PLOD1: variants seen among roughly 807,000 people sequenced by gnomAD.
PLOD1 encodes the protein procollagen-lysine,2-oxoglutarate 5-dioxygenase 1.
A neutral mutation model predicts 94.7 loss-of-function variants in PLOD1; 70 were observed. That is an observed-to-expected ratio of 0.74 (90% confidence interval 0.61 to 0.90). The LOEUF (loss-of-function observed/expected upper bound fraction) is 0.90, where lower values mean the gene tolerates loss of function less well. Ranked by LOEUF, PLOD1 falls within the 40% of genes least tolerant of loss-of-function variation. PLOD1 has a pLI of 0.00. For missense variants in PLOD1, 905 were observed against 972.7 expected, an observed-to-expected ratio of 0.93 and a Z score of 0.93; for synonymous variants, 417 against 400.2, an observed-to-expected ratio of 1.04 and a Z score of -0.50.
At position 11,963,672 on chromosome 1, in the gene PLOD1, G is replaced by T. The variant is rs745889627; in HGVS notation, c.1202+36G>T. On this transcript the variant is annotated intron_variant, in intron 11 of 18. Coordinates refer to ENST00000196061, the MANE Select transcript of PLOD1 (RefSeq NM_000302.4). The surrounding 1 kb of genome is among the most constrained non-coding windows in gnomAD (Gnocchi z 4.3). ...TCCGTCTGCACCCAGCACTGCTCAG[G>T]ACTGGCCTGGTCCTGGGGTGGCAGC... 10 of 1,393,216 alleles carry T rather than the reference G, an allele frequency of 7.2e-6. No homozygotes were observed. Among genetic ancestry groups the T allele is most frequent in the Non-Finnish European group, 9.0e-6 (9 of 997,546 alleles). The allele number at this position is 1,393,216 out of a possible 1,614,324, so 86.3% of individuals were successfully genotyped here.
In PLOD1 at chr1:11,948,026, C is replaced by G. The variant is rs778603432; in HGVS notation, c.127C>G (p.Arg43Gly). The G allele has an allele frequency of 6.2e-7, 1 of 1,613,942 alleles. No individual in the cohort carries two copies. Among genetic ancestry groups the G allele is most frequent in the Non-Finnish European group, 8.5e-7 (1 of 1,179,808 alleles). Residue 43 changes from arginine (R) to glycine (G), a missense_variant, in exon 2 of 19, where the codon CGC (arginine) becomes GGC (glycine). By Grantham distance (125) the Arg-to-Gly change is moderately radical (BLOSUM62 -2). Transcript: ENST00000196061. ...CACTAAGGAGACCGAGGGATTCCGT[C>G]GCTTCAAGCGCTCAGCTCAGTTCTT... ...VATKETEGFR[R>G]FKRSAQFFNY...
chr1:11,938,920 A>G (rs1419965123), intron 1 of PLOD1, among the ~76,000 whole-genome samples: 1 of 152,202 alleles, frequency 6.6e-6, no homozygotes, highest in Non-Finnish European at 1.5e-5. Flanking sequence ...TGGGAGACAC[A>G]AGAAGGCTTC....
chr1:11,953,755 G>C (rs1645719229), intron 5 of PLOD1, among the ~76,000 whole-genome samples: 1 of 151,650 alleles, frequency 6.6e-6, no homozygotes, highest in Non-Finnish European at 1.5e-5. Flanking sequence ...TTGTGCCATT[G>C]CACTGCAGCC....
At position 11,958,288 on chromosome 1, in the gene PLOD1, G is replaced by A. The variant is rs998320088; in HGVS notation, c.844-228G>A. Among the ~76,000 whole-genome samples the A allele has an allele frequency of 2.6e-5, 4 of 152,002 alleles. No homozygotes were observed. Among genetic ancestry groups the A allele is most frequent in the African/African-American group, 4.8e-5 (2 of 41,352 alleles). ...ATCTCCTGACAGCAGGCCCTCAACC[G>A]AGTCCTTGTTCCAGGCCTGGGCTCC... On this transcript the variant is annotated intron_variant, in intron 8 of 18. Transcript: ENST00000196061. This position sits in a 1 kb window ranked among gnomAD's most constrained non-coding sequence, Gnocchi z 4.3.
chr1:11,949,700 A>T (rs1465150264), intron 2 of PLOD1, 73 bp from the exon 3 acceptor site: 15 of 1,521,948 alleles, frequency 9.9e-6, no homozygotes, highest in Non-Finnish European at 1.4e-5. Flanking sequence ...GATTACCAGC[A>T]TGAGCCACCA....
chr1:11,967,674 A>G (rs1329984801), intron 16 of PLOD1, among the ~76,000 whole-genome samples: 2 of 140,706 alleles, frequency 1.4e-5, no homozygotes, highest in East Asian at 4.1e-4. Flanking sequence ...TTTAAATAAT[A>G]GAGACGGGGT....
At position 11,960,733 on chromosome 1, in the gene PLOD1, C is replaced by G; in HGVS notation, c.1063C>G (p.Arg355Gly). 1 of 1,613,318 alleles carries G rather than the reference C, an allele frequency of 6.2e-7. No individual in the cohort carries two copies. The highest frequency in any genetic ancestry group is 8.5e-7 in the Non-Finnish European group (1 of 1,179,856). Residue 355 changes from arginine (R) to glycine (G), a missense_variant, in exon 10 of 19, where the codon CGG becomes GGG. By Grantham distance (125) the Arg-to-Gly change is moderately radical. Transcript: ENST00000196061. ...QSVKLVGPEV[R>G]MANADARNMG... ...TGTGAAGCTGGTGGGCCCTGAGGTGCGGATGGCGAATGCAGATGCCAGGAA... is the reference window on the plus strand; with the variant it reads ...TGTGAAGCTGGTGGGCCCTGAGGTGGGGATGGCGAATGCAGATGCCAGGAA...
At position 11,974,307 on chromosome 1, in the gene PLOD1, C is replaced by T. The variant is rs114224592; in HGVS notation, c.2029-346C>T. Among the ~76,000 whole-genome samples, 810 of 152,120 alleles carry T rather than the reference C, an allele frequency of 5.3e-3. 1 individual carries two copies. Among genetic ancestry groups the T allele is most frequent in the Non-Finnish European group, 8.5e-3 (579 of 67,992 alleles). On this transcript the variant is annotated intron_variant, in intron 18 of 18. Transcript: ENST00000196061. ...TTCAAGTGATTCTGTCTCAGCTTCC[C>T]GAATAGCTGGGATTACAGGCGTGCG...
chr1:11,939,299 C>A, intron 1 of PLOD1, among the ~76,000 whole-genome samples: 1 of 152,082 alleles, frequency 6.6e-6, no homozygotes, highest in East Asian at 1.9e-4. Context: ...GCAGGGCATC[C>A]CAAGCTCCTG....
At chr1:11,967,616 A>ATATATATATATATATATATATATATAC (rs35226154) in intron 16 of PLOD1, among the ~76,000 whole-genome samples, 1 of 75,144 alleles carries the variant, frequency 1.3e-5, no homozygotes, top group Non-Finnish European at 2.4e-5. Flanking sequence ...TATATATATA[A>ATATATATATATATATATATATATATAC]AAAGAAATAT....
Position 11,956,900 on chromosome 1 carries a change from T to C in PLOD1, c.644-17T>C, listed in dbSNP as rs41307745. ...CTGGGTCTGATGCTGGGTGGGACTG[T>C]GCTTTCTGACCCCCAGATGAGGTCG... On this transcript the variant is annotated splice_polypyrimidine_tract_variant and intron_variant, in intron 6 of 18. Transcript: ENST00000196061. The C allele has an allele frequency of 6.3e-7, 1 of 1,585,398 alleles. No individual in the cohort carries two copies. Among genetic ancestry groups the C allele is most frequent in the Admixed American group, 1.7e-5 (1 of 59,980 alleles).
intron 4 of PLOD1, among the ~76,000 whole-genome samples, chr1:11,951,854 G>A (rs1472084573): frequency 1.3e-5 from 2 of 151,816 alleles, no homozygotes; most frequent in Admixed American, 1.3e-4. Flanking sequence ...GGGAGGCGGA[G>A]CTTGCAGTGA....
At chr1:11,962,284 T>C (rs1645783890) in intron 10 of PLOD1, among the ~76,000 whole-genome samples, 1 of 142,460 alleles carries the variant, frequency 7.0e-6, no homozygotes. Flanking sequence ...CTTTTTTTTT[T>C]TTTTTTTTTT....
Position 11,972,823 on chromosome 1 carries a change from T to C in PLOD1, c.1903-49T>C. The stretch of plus-strand genomic sequence containing the variant: ...GTGCACCCTCCTCTCCTGGCCTTTG[T>C]GTCCTCCTTAACTAACACGGGCTCT... On this transcript the variant is annotated intron_variant, in intron 17 of 18. Transcript: ENST00000196061. The surrounding 1 kb of genome is among the most constrained non-coding windows in gnomAD (Gnocchi z 4.6). 1 of 1,612,390 alleles carries C rather than the reference T, an allele frequency of 6.2e-7. No homozygotes were observed. The highest frequency in any genetic ancestry group is 8.5e-7 in the Non-Finnish European group (1 of 1,178,698).
chr1:11,949,171 C>T (rs1326414249), intron 2 of PLOD1, among the ~76,000 whole-genome samples: 1 of 152,080 alleles, frequency 6.6e-6, no homozygotes, highest in Non-Finnish European at 1.5e-5. Flanking sequence ...GACAGGCTTT[C>T]CTTTTTAGGA....
chr1:11,956,752 G>GATT (rs1645740676), intron 6 of PLOD1, among the ~76,000 whole-genome samples, 165 bp from the exon 7 acceptor site: 1 of 152,230 alleles, frequency 6.6e-6, no homozygotes, highest in African/African-American at 2.4e-5. Flanking sequence ...ATGAAGAAGG[G>GATT]ATTATTCCTA....
intron 4 of PLOD1, among the ~76,000 whole-genome samples, 199 bp downstream of exon 4, chr1:11,950,719 A>G (rs1328428784): frequency 6.6e-6 from 1 of 152,010 alleles, no homozygotes; most frequent in African/African-American, 2.4e-5. Flanking sequence ...ACGCAGCCCC[A>G]TAGACAGAAC....
At position 11,967,082 on chromosome 1, in the gene PLOD1, C is replaced by G; in HGVS notation, c.1746C>G (p.Gly582=). The change falls in exon 16 of 19, where the codon GGC becomes GGG. Residue 582 remains glycine, a synonymous_variant. Transcript: ENST00000196061. ...EMEHFGQWSL[G]NNKDNRIQGG... Reference sequence around the variant, plus strand: ...AGCACTTTGGCCAGTGGTCTCTGGGCAACAACAAGGTGGGACCCTGATGCC... The same window carrying G: ...AGCACTTTGGCCAGTGGTCTCTGGGGAACAACAAGGTGGGACCCTGATGCC... The G allele has an allele frequency of 1.2e-6, 2 of 1,607,598 alleles. No individual in the cohort carries two copies. Among genetic ancestry groups the G allele is most frequent in the Non-Finnish European group, 1.7e-6 (2 of 1,174,030 alleles).
At chr1:11,964,975 T>A (rs991684852) in intron 13 of PLOD1, among the ~76,000 whole-genome samples, 190 bp downstream of exon 13, 1 of 152,136 alleles carries the variant, frequency 6.6e-6, no homozygotes, top group Non-Finnish European at 1.5e-5. Flanking sequence ...CGAGGGCTGG[T>A]CCTCAGGGGT....
Sources: allele counts gnomAD v4.1 joint callset (sites outside exome capture counted in the v4.1 genomes callset), GRCh38; gene constraint gnomAD v4.1.1; non-coding constraint Gnocchi (gnomAD v3.1); transcripts MANE v1.5; gene names NCBI Gene and HGNC (gene_info 2026-07-23, HGNC 2026-07-21).